IQSEC1: variants seen among roughly 807,000 people sequenced by gnomAD.
IQSEC1 encodes IQ motif and Sec7 domain ArfGEF 1.
In IQSEC1, 31 loss-of-function variants were observed where a neutral mutation model predicts 91.0. That is an observed-to-expected ratio of 0.34 (90% CI 0.26 to 0.46). The LOEUF (loss-of-function observed/expected upper bound fraction) is 0.46. Among genes scored for constraint, IQSEC1 ranks in the 20% least tolerant of loss-of-function variants. The pLI, the probability that IQSEC1 is intolerant of heterozygous loss-of-function variation, is 1.00. For synonymous variants in IQSEC1, 699 were observed against 662.6 expected (o/e 1.05, Z -0.84); for missense variants, 1,388 against 1,575.6 (o/e 0.88, Z 2.02).
chr3:13,168,633 G>C (rs901597102), intron 1 of IQSEC1, among the ~76,000 whole-genome samples: 1 of 152,056 alleles, frequency 6.6e-6, no homozygotes, highest in Non-Finnish European at 1.5e-5. Context: ...TTTCCCCTCG[G>C]CTCCCCACTG....
At chr3:12,959,907 C>T (rs935718724) in intron 1 of IQSEC1, among the ~76,000 whole-genome samples, 2 of 152,002 alleles carry the variant, frequency 1.3e-5, no homozygotes, top group African/African-American at 2.4e-5. Context: ...GCCATTTTTA[C>T]GAAGCACAAA....
Position 12,906,321 on chromosome 3 carries a change from G to A in IQSEC1, c.2755+2028C>T, listed in dbSNP as rs1575852084. ...GTGGTGAGTGAGGTGGGGCCATGCT[G>A]CCGCTGGGGAGCTTGCAGCCCCCAT... On this transcript the variant is annotated intron_variant, in intron 12 of 13. Coordinates refer to ENST00000613206, the MANE Select transcript of IQSEC1 (RefSeq NM_001134382.3). Among the ~76,000 whole-genome samples, 5 of 152,274 alleles carry A rather than the reference G, an allele frequency of 3.3e-5. No individual in the cohort carries two copies. The South Asian group carries it at 1.0e-3, about 32-fold the overall frequency.
chr3:13,199,889 A>C (rs1694208097), intron 1 of IQSEC1, among the ~76,000 whole-genome samples: 2 of 150,638 alleles, frequency 1.3e-5, no homozygotes, highest in African/African-American at 4.9e-5. Flanking sequence ...CACACACACC[A>C]CACACACACA....
At chr3:13,247,279 G>C (rs545430693) in intron 1 of IQSEC1, among the ~76,000 whole-genome samples, 1 of 152,148 alleles carries the variant, frequency 6.6e-6, no homozygotes, top group African/African-American at 2.4e-5. Context: ...CCCCCAGGAC[G>C]TGCTGGGATT....
chr3:13,161,197 G>A (rs1040002176), intron 2 of IQSEC1, among the ~76,000 whole-genome samples: 1 of 152,188 alleles, frequency 6.6e-6, no homozygotes, highest in Non-Finnish European at 1.5e-5. Flanking sequence ...CTGGAGGTGC[G>A]CATGGGAAGG....
chr3:12,984,454 A>C (rs1455240562), intron 1 of IQSEC1, among the ~76,000 whole-genome samples: 1 of 152,216 alleles, frequency 6.6e-6, no homozygotes, highest in Admixed American at 6.5e-5. Context: ...AACTGCCCTC[A>C]TGCAGTGCAC....
At chr3:13,048,265 G>T (rs2125057391) in intron 1 of IQSEC1, among the ~76,000 whole-genome samples, 1 of 152,300 alleles carries the variant, frequency 6.6e-6, no homozygotes, top group African/African-American at 2.4e-5. Context: ...GCTCTGCCTG[G>T]CAGCACACCT....
chr3:12,987,947 G>A (rs1027336601), intron 1 of IQSEC1, among the ~76,000 whole-genome samples: 9 of 152,320 alleles, frequency 5.9e-5, no homozygotes, highest in African/African-American at 2.2e-4. Flanking sequence ...TGGGGTTGGG[G>A]CAAGGCTGTA....
intron 1 of IQSEC1, among the ~76,000 whole-genome samples, chr3:12,964,550 T>C (rs566042462): frequency 6.6e-6 from 1 of 152,322 alleles, no homozygotes; most frequent in Non-Finnish European, 1.5e-5. Flanking sequence ...GTCCCGAGGA[T>C]GGCCAGCTGT....
intron 1 of IQSEC1, among the ~76,000 whole-genome samples, chr3:12,989,961 G>A (rs1701912795): frequency 6.6e-6 from 1 of 152,168 alleles, no homozygotes; most frequent in African/African-American, 2.4e-5. Context: ...TCAAGGATTA[G>A]CCATAAGATG....
rs1253399331 is a variant in IQSEC1, at chr3:12,979,178, T to C, written c.24-37313A>G. Reference sequence around the variant, plus strand: ...TCTTCATTCTATCAAGAAAACTTTATATCTGCTCCACAAGTGAAAAGCCAG... The same window carrying C: ...TCTTCATTCTATCAAGAAAACTTTACATCTGCTCCACAAGTGAAAAGCCAG... On this transcript the variant is annotated intron_variant, in intron 1 of 13. Transcript: ENST00000613206. This position sits in a 1 kb window ranked among gnomAD's most constrained non-coding sequence, Gnocchi z 4.3. 6.6e-6 allele frequency among the ~76,000 whole-genome samples: 1 copy of C among 152,234 alleles called. No homozygotes were observed. Among genetic ancestry groups the C allele is most frequent in the Non-Finnish European group, 1.5e-5 (1 of 68,044 alleles).
intron 3 of IQSEC1, among the ~76,000 whole-genome samples, chr3:12,934,922 G>C (rs1698029919): frequency 6.6e-6 from 1 of 151,162 alleles, no homozygotes; most frequent in Admixed American, 6.6e-5. Flanking sequence ...ACACGGTTCT[G>C]GGTCTGGCCA....
chr3:13,274,236 C>T (rs1695637044), intron 1 of IQSEC1, among the ~76,000 whole-genome samples: 1 of 152,194 alleles, frequency 6.6e-6, no homozygotes, highest in South Asian at 2.1e-4. Flanking sequence ...CCAACACCAC[C>T]AGACACGTGC....
At chr3:13,169,504 A>G (rs1036760998) in intron 1 of IQSEC1, among the ~76,000 whole-genome samples, 1 of 152,232 alleles carries the variant, frequency 6.6e-6, no homozygotes, top group Non-Finnish European at 1.5e-5. Context: ...ACCAGGTAAC[A>G]GACACGGGTT....
At chr3:13,095,783 G>C (rs1436574915) in intron 2 of IQSEC1, among the ~76,000 whole-genome samples, 1 of 152,222 alleles carries the variant, frequency 6.6e-6, no homozygotes, top group Non-Finnish European at 1.5e-5. Flanking sequence ...CTGATTGGCA[G>C]GGAGCGGGCG....
chr3:12,913,506 A>G lies in IQSEC1; in HGVS notation c.2238T>C (p.Phe746=), dbSNP rs1306096995. ...GGGGCTTGTTTGGGTCTGGAACCTC[A>G]AAGAGCCGGCAGTAGCAGACCAACC... ...HRRLVCYCRL[F]EVPDPNKPQK... Residue 746 remains phenylalanine (F), a synonymous_variant, in exon 9 of 14, where the codon TTT becomes TTC. Coordinates refer to ENST00000613206, the MANE Select transcript of IQSEC1 (RefSeq NM_001134382.3). 6.2e-7 allele frequency: 1 copy of G among 1,608,352 alleles called. No homozygotes were observed. Among genetic ancestry groups the G allele is most frequent in the Non-Finnish European group, 8.5e-7 (1 of 1,176,344 alleles).
intron 2 of IQSEC1, among the ~76,000 whole-genome samples, chr3:13,144,069 G>C (rs148202155): frequency 2.4e-4 from 36 of 152,228 alleles, no homozygotes; most frequent in African/African-American, 8.2e-4. Flanking sequence ...TCCAAACAAG[G>C]CTTTAATCTT....
chr3:13,222,796 G>A (rs959776911), intron 1 of IQSEC1, among the ~76,000 whole-genome samples: 6 of 152,196 alleles, frequency 3.9e-5, no homozygotes, highest in African/African-American at 1.2e-4. Context: ...CACAAAGGGC[G>A]ACGTGTGTGG....
intron 1 of IQSEC1, among the ~76,000 whole-genome samples, chr3:13,035,868 T>C (rs11718973): frequency 1.2e-4 from 19 of 152,216 alleles, no homozygotes; most frequent in Non-Finnish European, 2.5e-4. Flanking sequence ...TTCCCTTGGA[T>C]TGCTTGCCCT....
Sources: gnomAD v4.1 joint callset for allele counts (sites outside exome capture counted in the v4.1 genomes callset) on GRCh38, gnomAD v4.1.1 for gene constraint, Gnocchi (gnomAD v3.1) non-coding constraint, MANE v1.5 for transcripts, NCBI Gene and HGNC (gene_info 2026-07-23, HGNC 2026-07-21) for gene names.